GNPTAB: variants seen among roughly 807,000 people sequenced by gnomAD.
GNPTAB encodes N-acetylglucosamine-1-phosphate transferase subunits alpha and beta, also known as N-acetylglucosamine-1-phosphotransferase subunits alpha/beta.
GNPTAB carries 92 observed loss-of-function variants against 136.6 expected under a neutral mutation model. The ratio of observed to expected loss-of-function variants is 0.67; its 90% CI spans 0.57 to 0.80. The LOEUF is 0.80. Among genes scored for constraint, GNPTAB ranks in the 30% least tolerant of loss-of-function variants. GNPTAB has a pLI of 0.00. For synonymous variants in GNPTAB, 512 were observed against 535.1 expected (o/e 0.96, Z 0.60); for missense variants, 1,343 against 1,501.8 (o/e 0.89, Z 1.75).
chr12:101,812,724 A>C (rs1321379235), intron 1 of GNPTAB, among the ~76,000 whole-genome samples: 3 of 151,990 alleles, frequency 2.0e-5, no homozygotes, highest in African/African-American at 7.2e-5. Flanking sequence ...ATGCCACTGA[A>C]CTCCAACCTG....
rs1566075315 is a variant in GNPTAB, at chr12:101,766,222, T to C, written c.1481A>G (p.Gln494Arg). The C allele has an allele frequency of 3.1e-6, 5 of 1,614,126 alleles. No homozygotes were observed. Among genetic ancestry groups the C allele is most frequent in the Admixed American group, 1.7e-5 (1 of 60,016 alleles). The stretch of plus-strand genomic sequence containing the variant: ...GACACTGTTTATTCCTCCACCAAAC[T>C]GCCAGGGCTGTCCAACTCCAATACT... ...TGSIGVGQPW[Q>R]FGGGINSVSY... is the part of the protein sequence containing the mutation. Residue 494 changes from glutamine (Q) to arginine (R), a missense_variant, in exon 12 of 21, where the codon CAG (glutamine) becomes CGG (arginine). Transcript: ENST00000299314.
At chr12:101,819,160 C>T (rs894822655) in intron 1 of GNPTAB, among the ~76,000 whole-genome samples, 4 of 151,994 alleles carry the variant, frequency 2.6e-5, no homozygotes, top group South Asian at 2.1e-4. Context: ...TACAGGTGCC[C>T]GCCACCACAC....
chr12:101,788,144 CAT>C (rs777851441), intron 4 of GNPTAB, among the ~76,000 whole-genome samples: 7 of 152,132 alleles, frequency 4.6e-5, no homozygotes, highest in Admixed American at 1.3e-4. Context: ...GGTTCTTAAA[CAT>C]AAAATATACA....
chr12:101,825,567 A>C (rs1477388346), intron 1 of GNPTAB, among the ~76,000 whole-genome samples: 4 of 152,206 alleles, frequency 2.6e-5, no homozygotes, highest in Admixed American at 2.6e-4. Context: ...CTAAGAATAC[A>C]GCAGAGAATA....
chr12:101,802,367 G>C (rs373958029), intron 1 of GNPTAB, among the ~76,000 whole-genome samples: 3 of 152,008 alleles, frequency 2.0e-5, no homozygotes, highest in Non-Finnish European at 4.4e-5. Context: ...GAGGTTACTG[G>C]GGACCCTCAC....
intron 1 of GNPTAB, among the ~76,000 whole-genome samples, chr12:101,828,194 T>C (rs1249797172): frequency 3.9e-5 from 6 of 152,202 alleles, no homozygotes; most frequent in East Asian, 3.8e-4. Flanking sequence ...TGTTATGTAG[T>C]AGGAACTGTG....
chr12:101,748,382 G>C (rs1366145924), intron 20 of GNPTAB, among the ~76,000 whole-genome samples: 2 of 152,210 alleles, frequency 1.3e-5, no homozygotes, highest in Admixed American at 1.3e-4. Flanking sequence ...TGGAGGCAGA[G>C]GCCAAGTCAC....
intron 15 of GNPTAB, 148 bp downstream of exon 15, chr12:101,760,979 C>T: frequency 3.0e-6 from 2 of 658,410 alleles, no homozygotes; most frequent in South Asian, 1.6e-5. Flanking sequence ...CGGGGTTTCA[C>T]CGTGTTGCCC....
intron 5 of GNPTAB, among the ~76,000 whole-genome samples, chr12:101,785,223 C>T (rs1868562921): frequency 6.6e-6 from 1 of 152,152 alleles, no homozygotes; most frequent in Admixed American, 6.5e-5. Flanking sequence ...GTCTCTTTTG[C>T]TATTATTTAT....
chr12:101,826,766 A>G (rs1871102766), intron 1 of GNPTAB, among the ~76,000 whole-genome samples: 1 of 152,148 alleles, frequency 6.6e-6, no homozygotes, highest in South Asian at 2.1e-4. Flanking sequence ...CAACTAACAG[A>G]GAACAAATTA....
chr12:101,757,626 C>T lies in GNPTAB; in HGVS notation c.3281G>A (p.Cys1094Tyr). The part of the protein sequence containing the change: ...PPVTKSLVTN[C>Y]KPVTDKIHKA... ...GTGGATTTTGTCAGTTACTGGTTTACAGTTTGTTACTAGACTTTTAGTGAC... is the reference window on the plus strand; with the variant it reads ...GTGGATTTTGTCAGTTACTGGTTTATAGTTTGTTACTAGACTTTTAGTGAC... Residue 1094 changes from cysteine (C) to tyrosine (Y), a missense_variant, in exon 17 of 21, where the codon TGT (cysteine) becomes TAT (tyrosine). By Grantham distance (194) the Cys-to-Tyr change is radical. Coordinates refer to ENST00000299314, the MANE Select transcript of GNPTAB (RefSeq NM_024312.5). The T allele has an allele frequency of 6.3e-7, 1 of 1,585,964 alleles. No homozygotes were observed. Among genetic ancestry groups the T allele is most frequent in the African/African-American group, 1.3e-5 (1 of 74,480 alleles).
Position 101,780,138 on chromosome 12 carries a change from T to A in GNPTAB, c.771+14A>T. 2 of 1,611,426 alleles carry A rather than the reference T, an allele frequency of 1.2e-6. No homozygotes were observed. Among genetic ancestry groups the A allele is most frequent in the South Asian group, 2.2e-5 (2 of 91,042 alleles). On this transcript the variant is annotated intron_variant, in intron 7 of 20. Transcript: ENST00000299314. ...AATGTGCCAGGCTAATTGCTCTATT[T>A]TCTATGTTCTTACCAGTTTGACTTT...
At chr12:101,818,554 T>G (rs1870632232) in intron 1 of GNPTAB, among the ~76,000 whole-genome samples, 1 of 151,992 alleles carries the variant, frequency 6.6e-6, no homozygotes, top group Non-Finnish European at 1.5e-5. Context: ...ATTTTTGTAT[T>G]TTTAGTAGAG....
At chr12:101,789,342 C>T (rs978398666) in intron 3 of GNPTAB, among the ~76,000 whole-genome samples, 1 of 152,168 alleles carries the variant, frequency 6.6e-6, no homozygotes, top group African/African-American at 2.4e-5. Flanking sequence ...CCAAGAAACA[C>T]AGGCCAGATG....
chr12:101,812,581 A>AC (rs138080259), intron 1 of GNPTAB, among the ~76,000 whole-genome samples: 1,552 of 151,454 alleles, frequency 0.01, 28 homozygotes, highest in African/African-American at 0.035. Flanking sequence ...CATGGTGAGA[A>AC]CCCCCCCATC....
At chr12:101,778,998 T>C (rs1395668738) in intron 7 of GNPTAB, 1 of 151,942 alleles carries the variant, frequency 6.6e-6, no homozygotes, top group Non-Finnish European at 1.5e-5. Flanking sequence ...TAATACAATG[T>C]ATCATAAAAC....
intron 5 of GNPTAB, 91 bp downstream of exon 5, chr12:101,785,921 T>C: frequency 1.0e-6 from 1 of 985,798 alleles, no homozygotes; most frequent in East Asian, 2.6e-5. Context: ...ATCAGACATT[T>C]AAGAATGAAT....
At chr12:101,793,600 A>G (rs1566089161) in intron 2 of GNPTAB, among the ~76,000 whole-genome samples, 3 of 152,158 alleles carry the variant, frequency 2.0e-5, no homozygotes, top group African/African-American at 7.2e-5. Context: ...CATTCTAACC[A>G]CTAGACCACT....
chr12:101,749,308 T>C (rs1416067610), intron 19 of GNPTAB, 117 bp from the exon 20 acceptor site: 1 of 732,432 alleles, frequency 1.4e-6, no homozygotes, highest in East Asian at 2.5e-5. Flanking sequence ...AAAAACATTG[T>C]CTTGCAATTC....
Sources: gnomAD v4.1 joint callset for allele counts (sites outside exome capture counted in the v4.1 genomes callset) on GRCh38, gnomAD v4.1.1 for gene constraint, MANE v1.5 for transcripts, NCBI Gene and HGNC (gene_info 2026-07-23, HGNC 2026-07-21) for gene names.